ROR2: variants seen among roughly 807,000 people sequenced by gnomAD.
ROR2 encodes the protein tyrosine-protein kinase transmembrane receptor ROR2.
In ROR2, 33 loss-of-function variants were observed where a neutral mutation model predicts 74.9. The observed-to-expected ratio is 0.44, with a 90% CI of 0.33 to 0.59. The LOEUF (loss-of-function observed/expected upper bound fraction) is 0.59, where lower values mean the gene tolerates loss of function less well. Ranked by LOEUF, ROR2 falls within the 20% of genes least tolerant of loss-of-function variation. The pLI, the probability that ROR2 is intolerant of heterozygous loss-of-function variation, is 0.02. For synonymous variants in ROR2, 586 were observed against 558.7 expected, an observed-to-expected ratio of 1.05 and a Z score of -0.69; for missense variants, 1,216 against 1,313.8, an observed-to-expected ratio of 0.93 and a Z score of 1.15.
intron 1 of ROR2, among the ~76,000 whole-genome samples, chr9:91,819,555 TTG>T (rs766466908): frequency 2.2e-4 from 34 of 151,530 alleles, no homozygotes; most frequent in Non-Finnish European, 4.3e-4. Flanking sequence ...GTGTGTATCT[TTG>T]TGTGTGTCTG....
chr9:91,928,735 C>A (rs1432337708), intron 1 of ROR2, among the ~76,000 whole-genome samples: 1 of 152,222 alleles, frequency 6.6e-6, no homozygotes, highest in Non-Finnish European at 1.5e-5. Flanking sequence ...AAAAGCAGGG[C>A]AGATCCTGGC....
chr9:91,874,444 T>C (rs79327832), intron 1 of ROR2, among the ~76,000 whole-genome samples: 6,127 of 152,300 alleles, frequency 0.04, 174 homozygotes, highest in East Asian at 0.093. Context: ...TTAAAAGTTT[T>C]ATCTAGAAAA....
At chr9:91,876,772 CA>C (rs2119351801) in intron 1 of ROR2, among the ~76,000 whole-genome samples, 1 of 152,084 alleles carries the variant, frequency 6.6e-6, no homozygotes, top group African/African-American at 2.4e-5. Flanking sequence ...AAGGAAAATT[CA>C]ACTGTAGGAT....
chr9:91,854,585 GA>G (rs770202461), intron 1 of ROR2, among the ~76,000 whole-genome samples: 4 of 152,226 alleles, frequency 2.6e-5, no homozygotes, highest in Non-Finnish European at 5.9e-5. Context: ...TTGTAGACAA[GA>G]AAATTAAGAG....
intron 5 of ROR2, among the ~76,000 whole-genome samples, chr9:91,734,745 T>C (rs1824964728): frequency 6.6e-6 from 1 of 152,152 alleles, no homozygotes; most frequent in African/African-American, 2.4e-5. Flanking sequence ...ACAGAGCCTA[T>C]AAAGTGGCCC....
intron 1 of ROR2, among the ~76,000 whole-genome samples, chr9:91,856,088 G>A (rs1258126940): frequency 6.6e-6 from 1 of 152,224 alleles, no homozygotes; most frequent in Admixed American, 6.5e-5. Flanking sequence ...AATAAGCTGG[G>A]TGCAGTGGCT....
At chr9:91,891,136 A>G (rs968244447) in intron 1 of ROR2, among the ~76,000 whole-genome samples, 2 of 152,230 alleles carry the variant, frequency 1.3e-5, no homozygotes, top group African/African-American at 2.4e-5. Context: ...CAGCTTTTCT[A>G]AACACCAACT....
chr9:91,747,550 G>C (rs752610060), intron 4 of ROR2, among the ~76,000 whole-genome samples: 3 of 152,190 alleles, frequency 2.0e-5, no homozygotes, highest in Non-Finnish European at 4.4e-5. Context: ...ATACAGACAG[G>C]ACACACCTCT....
intron 1 of ROR2, among the ~76,000 whole-genome samples, chr9:91,915,636 T>A (rs538711871): frequency 1.3e-5 from 2 of 150,942 alleles, no homozygotes; most frequent in African/African-American, 4.8e-5. Context: ...GCTGCTGCTG[T>A]CTTGGGGGAG....
At chr9:91,832,039 C>A (rs1036987512) in intron 1 of ROR2, among the ~76,000 whole-genome samples, 2 of 152,100 alleles carry the variant, frequency 1.3e-5, no homozygotes, top group Non-Finnish European at 2.9e-5. Context: ...TGCAAGCTGA[C>A]CACTGGTGGG....
At chr9:91,899,277 G>A (rs1471078809) in intron 1 of ROR2, among the ~76,000 whole-genome samples, 3 of 152,202 alleles carry the variant, frequency 2.0e-5, no homozygotes, top group East Asian at 3.8e-4. Flanking sequence ...TGCAAAGGGC[G>A]ACTGCAGACA....
At chr9:91,728,216 C>T (rs1011950893) in intron 7 of ROR2, among the ~76,000 whole-genome samples, 1 of 152,098 alleles carries the variant, frequency 6.6e-6, no homozygotes, top group African/African-American at 2.4e-5. Context: ...AGAAATGTGG[C>T]CTTTCAAAAG....
intron 4 of ROR2, 64 bp downstream of exon 4, chr9:91,756,007 G>A (rs374861586): frequency 1.5e-5 from 24 of 1,557,572 alleles, no homozygotes; most frequent in Middle Eastern, 1.7e-4. Flanking sequence ...TTTAAACCCC[G>A]GATTCCTACA....
chr9:91,819,517 G>C (rs534369596), intron 1 of ROR2, among the ~76,000 whole-genome samples: 8 of 151,498 alleles, frequency 5.3e-5, no homozygotes, highest in African/African-American at 1.9e-4. Flanking sequence ...CGTGTGTTCT[G>C]TGTCTGTCTT....
At chr9:91,765,709 C>T (rs940346737) in intron 2 of ROR2, among the ~76,000 whole-genome samples, 3 of 152,224 alleles carry the variant, frequency 2.0e-5, no homozygotes, top group African/African-American at 4.8e-5. Flanking sequence ...AGGACTGCAG[C>T]TCGCAGGTCT....
chr9:91,757,013 G>A (rs1446137557), intron 3 of ROR2, among the ~76,000 whole-genome samples: 3 of 151,892 alleles, frequency 2.0e-5, no homozygotes, highest in African/African-American at 4.8e-5. Context: ...CAGGTGATCC[G>A]CCCACCTCGG....
At chr9:91,729,209 C>T (rs1244286971) in intron 7 of ROR2, among the ~76,000 whole-genome samples, 1 of 152,046 alleles carries the variant, frequency 6.6e-6, no homozygotes, top group East Asian at 1.9e-4. Context: ...TGTGTGCTCA[C>T]ACACAAACTC....
intron 7 of ROR2, 101 bp downstream of exon 7, chr9:91,730,809 C>A: frequency 6.6e-7 from 1 of 1,519,500 alleles, no homozygotes. Context: ...CTGGTCGCCA[C>A]CGTACAGAGG....
intron 1 of ROR2, among the ~76,000 whole-genome samples, chr9:91,807,917 C>G (rs982889828): frequency 2.0e-5 from 3 of 152,120 alleles, no homozygotes; most frequent in African/African-American, 7.2e-5. Flanking sequence ...GTGAAAGGTG[C>G]TGATGGATGA....
Sources: allele counts gnomAD v4.1 joint callset (sites outside exome capture counted in the v4.1 genomes callset), GRCh38; gene constraint gnomAD v4.1.1; transcripts MANE v1.5; gene names NCBI Gene and HGNC (gene_info 2026-07-23, HGNC 2026-07-21).